KHDRBS2: variants seen among roughly 807,000 people sequenced by gnomAD.
The protein encoded by KHDRBS2 is KH RNA binding domain containing, signal transduction associated 2.
A neutral mutation model predicts 44.3 loss-of-function variants in KHDRBS2; 26 were observed. The ratio of observed to expected loss-of-function variants is 0.59; its 90% CI spans 0.43 to 0.81. KHDRBS2 has a LOEUF of 0.81. KHDRBS2 is among the 40% of genes least tolerant of loss of function. The pLI is 0.00. For missense variants in KHDRBS2, 476 were observed against 433.1 expected (o/e 1.10, Z -0.88); for synonymous variants, 194 against 151.1 (o/e 1.28, Z -2.08).
chr6:62,042,004 A>C (rs1786640961), intron 3 of KHDRBS2, among the ~76,000 whole-genome samples: 1 of 152,128 alleles, frequency 6.6e-6, no homozygotes, highest in Non-Finnish European at 1.5e-5. Context: ...TTCACTCCTC[A>C]AATCAAACCT....
chr6:61,722,526 T>G (rs1772809471), intron 7 of KHDRBS2, among the ~76,000 whole-genome samples: 1 of 152,172 alleles, frequency 6.6e-6, no homozygotes, highest in African/African-American at 2.4e-5. Flanking sequence ...TTATGCTAAC[T>G]AATCAGTTAA....
intron 6 of KHDRBS2, among the ~76,000 whole-genome samples, chr6:61,777,715 G>A (rs1454969810): frequency 1.3e-5 from 2 of 152,042 alleles, no homozygotes; most frequent in Non-Finnish European, 2.9e-5. Flanking sequence ...CTTAGTTTGG[G>A]AAAGAGCATA....
the KHDRBS2 span, among the ~76,000 whole-genome samples, chr6:61,599,643 G>C: frequency 2.0e-5 from 3 of 152,162 alleles, no homozygotes; most frequent in African/African-American, 7.2e-5. Flanking sequence ...GGCCCTCCTA[G>C]GATTGAACTT....
At chr6:62,031,915 A>T (rs1784404006) in intron 3 of KHDRBS2, among the ~76,000 whole-genome samples, 1 of 152,010 alleles carries the variant, frequency 6.6e-6, no homozygotes, top group Non-Finnish European at 1.5e-5. Flanking sequence ...GTGGTTATAG[A>T]AGGCCATAGG....
At chr6:62,257,924 C>G (rs1837673554) in intron 1 of KHDRBS2, among the ~76,000 whole-genome samples, 3 of 152,002 alleles carry the variant, frequency 2.0e-5, no homozygotes, top group African/African-American at 7.2e-5. Flanking sequence ...AGCTTCTGTT[C>G]AAGCCTGAAG....
At chr6:62,187,083 A>G (rs1823594098) in intron 1 of KHDRBS2, among the ~76,000 whole-genome samples, 1 of 152,270 alleles carries the variant, frequency 6.6e-6, no homozygotes, top group African/African-American at 2.4e-5. Context: ...AGAGTTCCAC[A>G]GTCCATCATG....
intron 2 of KHDRBS2, among the ~76,000 whole-genome samples, chr6:62,110,211 C>T (rs897574411): frequency 1.3e-4 from 19 of 151,888 alleles, no homozygotes; most frequent in African/African-American, 3.9e-4. Flanking sequence ...GAAAGAACTT[C>T]CATACATTGT....
At chr6:62,064,763 A>C (rs1239588341) in intron 2 of KHDRBS2, among the ~76,000 whole-genome samples, 1 of 152,106 alleles carries the variant, frequency 6.6e-6, no homozygotes, top group East Asian at 1.9e-4. Context: ...ATGGCAACAA[A>C]AGCCAAAATT....
chr6:61,771,424 G>C (rs370526125), intron 6 of KHDRBS2, among the ~76,000 whole-genome samples: 1 of 152,124 alleles, frequency 6.6e-6, no homozygotes, highest in African/African-American at 2.4e-5. Context: ...TCATCAGTGT[G>C]CTGTACTCAG....
At chr6:61,605,113 C>A in the KHDRBS2 span, among the ~76,000 whole-genome samples, 1 of 152,014 alleles carries the variant, frequency 6.6e-6, no homozygotes, top group African/African-American at 2.4e-5. Flanking sequence ...TGCCCTTCTG[C>A]GAATTCGGGC....
At chr6:62,110,207 A>T (rs1300641816) in intron 2 of KHDRBS2, among the ~76,000 whole-genome samples, 1 of 152,096 alleles carries the variant, frequency 6.6e-6, no homozygotes, top group African/African-American at 2.4e-5. Flanking sequence ...ATATGAAAGA[A>T]CTTCCATACA....
chr6:62,259,564 A>G (rs567863374), intron 1 of KHDRBS2, among the ~76,000 whole-genome samples: 11 of 152,104 alleles, frequency 7.2e-5, no homozygotes, highest in Non-Finnish European at 4.4e-5. Context: ...TTATTTTGTT[A>G]ATATAGTCAG....
the KHDRBS2 span, among the ~76,000 whole-genome samples, chr6:61,604,673 C>T: frequency 6.6e-6 from 1 of 152,046 alleles, no homozygotes. Context: ...ATTGTTCAGG[C>T]CCCCTCCTTT....
At chr6:61,937,046 C>G (rs1324390272) in intron 4 of KHDRBS2, among the ~76,000 whole-genome samples, 1 of 151,898 alleles carries the variant, frequency 6.6e-6, no homozygotes. Context: ...GATTCTCTCC[C>G]TGACTTCCTA....
chr6:62,154,440 A>G (rs1815920933), intron 2 of KHDRBS2, among the ~76,000 whole-genome samples: 1 of 152,220 alleles, frequency 6.6e-6, no homozygotes, highest in Non-Finnish European at 1.5e-5. Flanking sequence ...CTTCTTGAAG[A>G]TATCAAATTT....
chr6:62,118,629 C>T (rs922520490), intron 2 of KHDRBS2, among the ~76,000 whole-genome samples: 1 of 152,106 alleles, frequency 6.6e-6, no homozygotes, highest in Non-Finnish European at 1.5e-5. Context: ...GAGAGGAAGA[C>T]CTACCCTCAA....
rs186049667 is a variant in KHDRBS2, at chr6:61,822,344, C to T, written c.810+72291G>A. ...AAGACTGAACACTCTAACCTCCTCC[C>T]TTTGTATATCCAGTTAATCACTGAG... On this transcript the variant is annotated intron_variant, in intron 6 of 8. Transcript: ENST00000281156. 3.8e-3 allele frequency among the ~76,000 whole-genome samples: 583 copies of T among 152,118 alleles called. 2 individuals carry two copies. Among genetic ancestry groups the T allele is most frequent in the Non-Finnish European group, 6.5e-3 (444 of 67,944 alleles).
chr6:62,057,620 T>C (rs539265464), intron 2 of KHDRBS2, among the ~76,000 whole-genome samples: 14 of 152,104 alleles, frequency 9.2e-5, no homozygotes, highest in African/African-American at 3.1e-4. Flanking sequence ...AATCAAACAC[T>C]ACACACCAGT....
rs373990301 is a variant in KHDRBS2, at chr6:61,721,687, G to A, written c.893+10995C>T. 2.7e-4 allele frequency among the ~76,000 whole-genome samples: 32 copies of A among 119,188 alleles called. 1 individual carries two copies. Among genetic ancestry groups the A allele is most frequent in the East Asian group, 5.7e-4 (2 of 3,508 alleles). The allele number at this position is 119,188 out of a possible 152,430, so 78.2% of individuals were successfully genotyped here. ...GCTTAAGGAGATTTTGGGCTGAGAC[G>A]ATGGGGTTTTCTAGCTATACAATCA... On this transcript the variant is annotated intron_variant, in intron 7 of 8. Coordinates refer to ENST00000281156, the MANE Select transcript of KHDRBS2 (RefSeq NM_152688.4).
Sources: gnomAD v4.1 joint callset for allele counts (sites outside exome capture counted in the v4.1 genomes callset) on GRCh38, gnomAD v4.1.1 for gene constraint, MANE v1.5 for transcripts, NCBI Gene and HGNC (gene_info 2026-07-23, HGNC 2026-07-21) for gene names.